The following TMEM198 variants were observed in gnomAD, a reference collection of about 807,000 sequenced individuals.
TMEM198 encodes the protein transmembrane protein 198.
Under a neutral mutation model 31.5 loss-of-function variants are expected in TMEM198, and 21 were observed. The observed-to-expected ratio is 0.67, with a 90% CI of 0.47 to 0.96. The LOEUF (loss-of-function observed/expected upper bound fraction) is 0.96. Among genes scored for constraint, TMEM198 ranks in the 40% least tolerant of loss-of-function variants. The pLI is 0.00. For synonymous variants in TMEM198, 211 were observed against 223.3 expected, an observed-to-expected ratio of 0.95 and a Z score of 0.49; for missense variants, 447 against 499.4, an observed-to-expected ratio of 0.89 and a Z score of 1.00.
At position 219,544,727 on chromosome 2, in the gene TMEM198, T is replaced by G. The variant is rs754848741; in HGVS notation, c.-1T>G. 6.2e-7 allele frequency: 1 copy of G among 1,613,442 alleles called. No individual in the cohort carries two copies. Among genetic ancestry groups the G allele is most frequent in the Non-Finnish European group, 8.5e-7 (1 of 1,179,862 alleles). On this transcript the variant is annotated 5_prime_UTR_variant, in exon 2 of 5. Transcript: ENST00000373883. ...GGTGACTCCCTTCTATTCCCAGCACTATGCCGGGGACTGTGGCAACACTGC... is the reference window on the plus strand; with the variant it reads ...GGTGACTCCCTTCTATTCCCAGCACGATGCCGGGGACTGTGGCAACACTGC...
chr2:219,544,612 T>C, intron 1 of TMEM198, 77 bp from the exon 2 acceptor site: 1 of 1,225,246 alleles, frequency 8.2e-7, no homozygotes, highest in Non-Finnish European at 1.2e-6. Flanking sequence ...CCTTGCTGAG[T>C]TCTCCCAATC....
chr2:219,548,402 T>C (rs547061919), intron 3 of TMEM198, among the ~76,000 whole-genome samples: 13 of 152,104 alleles, frequency 8.5e-5, no homozygotes, highest in Non-Finnish European at 1.6e-4. Flanking sequence ...TCCAGTTGTG[T>C]AGAGTGATAT....
At chr2:219,549,084 AGAGG>A in intron 3 of TMEM198, 64 bp from the exon 4 acceptor site, 1 of 1,575,228 alleles carries the variant, frequency 6.3e-7, no homozygotes, top group Non-Finnish European at 8.7e-7. Flanking sequence ...GTGGGATGAG[AGAGG>A]GAGGGCTCAA....
chr2:219,547,893 C>T lies in TMEM198; in HGVS notation c.554C>T (p.Ala185Val), dbSNP rs1347077703. The T allele has an allele frequency of 6.3e-7, 1 of 1,596,358 alleles. No homozygotes were observed. Among genetic ancestry groups the T allele is most frequent in the Non-Finnish European group, 8.5e-7 (1 of 1,178,462 alleles). Reference protein sequence around the residue: ...ATAVTGAALIATAADYFAELL... With the variant: ...ATAVTGAALIVTAADYFAELL... ...GCCGTGACTGGTGCTGCGCTGATCG[C>T]CACTGCCGCTGACTACTTCGCCGAG... The change falls in exon 3 of 5, where the codon GCC becomes GTC. Residue 185 changes from alanine to valine, a missense_variant. By Grantham distance (64) the Ala-to-Val change is moderately conservative. Transcript: ENST00000373883.
chr2:219,547,583 C>G lies in TMEM198; in HGVS notation c.244C>G (p.Arg82Gly), dbSNP rs753064498. 2.2e-5 allele frequency: 33 copies of G among 1,470,642 alleles called. 1 individual carries two copies. The South Asian group carries it at 4.4e-4, about 20-fold the overall frequency. 91.1% of individuals were successfully genotyped at this position (1,470,642 alleles called of 1,614,324 possible). ...GGTGGTCATCTTCCTCCTCTGCTAC[C>G]GAGAGCGGGTGCTAGAGACACAGCT... ...GSVVIFLLCY[R>G]ERVLETQLSA... Residue 82 changes from arginine to glycine, a missense_variant, in exon 3 of 5, where the codon CGA becomes GGA. Transcript: ENST00000373883.
intron 2 of TMEM198, 45 bp downstream of exon 2, chr2:219,544,938 C>T: frequency 6.3e-7 from 1 of 1,597,334 alleles, no homozygotes; most frequent in Non-Finnish European, 8.6e-7. Flanking sequence ...CCAGTGTTTC[C>T]CCGAGTTCTT....
chr2:219,547,386 C>T, intron 2 of TMEM198, 120 bp from the exon 3 acceptor site: 1 of 803,168 alleles, frequency 1.2e-6, no homozygotes, highest in Non-Finnish European at 1.8e-6. Context: ...CCTCAATTCT[C>T]TGATCTTAGT....
chr2:219,548,032 C>T lies in TMEM198; in HGVS notation c.693C>T (p.Gly231=), dbSNP rs553724587. 9 of 1,586,806 alleles carry T rather than the reference C, an allele frequency of 5.7e-6. No individual in the cohort carries two copies. The highest frequency in any genetic ancestry group is 4.5e-5 in the East Asian group (2 of 44,366). ...TCTGGCCCCTGCTCAGCCTGATGGGCGTTCTGGTGCAGTGGAGGGTGACAG... is the reference window on the plus strand; with the variant it reads ...TCTGGCCCCTGCTCAGCCTGATGGGTGTTCTGGTGCAGTGGAGGGTGACAG... The part of the protein sequence containing the change: ...LALWPLLSLM[G]VLVQWRVTAE... The change falls in exon 3 of 5, where the codon GGC becomes GGT. Residue 231 remains glycine, a synonymous_variant. Coordinates refer to ENST00000373883, the MANE Select transcript of TMEM198 (RefSeq NM_001005209.3).
chr2:219,548,176 A>G, intron 3 of TMEM198, 95 bp downstream of exon 3: 3 of 1,184,216 alleles, frequency 2.5e-6, no homozygotes, highest in Non-Finnish European at 3.4e-6. Context: ...CAGCAGCAGA[A>G]GGCCTCGATG....
At chr2:219,546,778 C>CT (rs397987890) in intron 2 of TMEM198, among the ~76,000 whole-genome samples, 68,176 of 126,840 alleles carry the variant, frequency 0.54, 19,205 homozygotes, top group South Asian at 0.74. Flanking sequence ...TCTCAAGTTT[C>CT]TTTTTTTTTT....
chr2:219,545,021 CATTTAT>C, intron 2 of TMEM198, 128 bp downstream of exon 2: 1 of 1,203,608 alleles, frequency 8.3e-7, no homozygotes, highest in Admixed American at 2.6e-5. Flanking sequence ...TCATCCCACA[CATTTAT>C]AGATTGTCTA....
intron 1 of TMEM198, 45 bp from the exon 2 acceptor site, chr2:219,544,644 T>G: frequency 6.6e-7 from 1 of 1,521,656 alleles, no homozygotes; most frequent in Non-Finnish European, 9.0e-7. Flanking sequence ...CCCATCCTGG[T>G]GGGGACCCAG....
Position 219,549,209 on chromosome 2 carries a change from A to C in TMEM198, c.800A>C (p.Asp267Ala). 6.2e-7 allele frequency: 1 copy of C among 1,614,016 alleles called. No homozygotes were observed. The highest frequency in any genetic ancestry group is 1.7e-5 in the Admixed American group (1 of 60,030). ...CTGATGCGGATTCGGCAGCAGGAAG[A>C]TCGCAAGGAGAAAAGGCGGAAAAAG... ...VQLMRIRQQE[D>A]RKEKRRKKRP... is the part of the protein sequence containing the mutation. Residue 267 changes from aspartate to alanine, a missense_variant, in exon 4 of 5, where the codon GAT (aspartate) becomes GCT (alanine). Physicochemically the swap from Asp to Ala is moderately radical, Grantham distance 126. Coordinates refer to ENST00000373883, the MANE Select transcript of TMEM198 (RefSeq NM_001005209.3).
Position 219,549,875 on chromosome 2 carries a change from T to C in TMEM198, c.*21T>C. The C allele has an allele frequency of 6.2e-7, 1 of 1,602,500 alleles. No individual in the cohort carries two copies. The highest frequency in any genetic ancestry group is 8.5e-7 in the Non-Finnish European group (1 of 1,170,870). On this transcript the variant is annotated 3_prime_UTR_variant, in exon 5 of 5. Transcript: ENST00000373883. ...TATAGCCATATCTGTCTGTCTAGAC[T>C]CTGCAGTCACCAGCTCTGCCAGCTC...
intron 4 of TMEM198, 97 bp downstream of exon 4, chr2:219,549,451 G>C: frequency 4.9e-6 from 7 of 1,430,426 alleles, no homozygotes; most frequent in Non-Finnish European, 6.6e-6. Context: ...TTGCTATCTA[G>C]AAGGCCTGTT....
rs776238004 is a variant in TMEM198, at chr2:219,549,836, C to A, written c.1065C>A (p.Gly355=). ...GSRGPLTACS[G]PPVRV The stretch of plus-strand genomic sequence containing the variant: ...GGGGACCTCTGACAGCCTGCTCAGG[C>A]CCCCCAGTGCGGGTATAGCCATATC... The change falls in exon 5 of 5, where the codon GGC becomes GGA. Residue 355 remains glycine, a synonymous_variant. Coordinates refer to ENST00000373883, the MANE Select transcript of TMEM198 (RefSeq NM_001005209.3). The A allele has an allele frequency of 4.3e-6, 7 of 1,613,886 alleles. No homozygotes were observed. Among genetic ancestry groups the A allele is most frequent in the Non-Finnish European group, 2.5e-6 (3 of 1,179,956 alleles).
chr2:219,549,175 C>T lies in TMEM198; in HGVS notation c.766C>T (p.Arg256Cys), dbSNP rs1349360573. Residue 256 changes from arginine to cysteine, a missense_variant, in exon 4 of 5, where the codon CGC (arginine) becomes TGC (cysteine). Coordinates refer to ENST00000373883, the MANE Select transcript of TMEM198 (RefSeq NM_001005209.3). ...AGTGGTCATCAGCCGGCAGCGCCGACGCGTGCAACTGATGCGGATTCGGCA... is the reference window on the plus strand; with the variant it reads ...AGTGGTCATCAGCCGGCAGCGCCGATGCGTGCAACTGATGCGGATTCGGCA... ...TEVVISRQRRRVQLMRIRQQE... is the reference protein window; with the variant it reads ...TEVVISRQRRCVQLMRIRQQE... The T allele has an allele frequency of 2.5e-5, 40 of 1,613,824 alleles. No individual in the cohort carries two copies. The highest frequency in any genetic ancestry group is 2.6e-5 in the Non-Finnish European group (31 of 1,180,028).
intron 3 of TMEM198, 58 bp downstream of exon 3, chr2:219,548,139 G>C: frequency 1.4e-6 from 2 of 1,419,804 alleles, no homozygotes; most frequent in East Asian, 2.5e-5. Flanking sequence ...GGATGGGTTG[G>C]GGGCCAAGTG....
rs1695412494 is a variant in TMEM198, at chr2:219,547,460, C to G, written c.167-46C>G. On this transcript the variant is annotated intron_variant, in intron 2 of 4. Transcript: ENST00000373883. Reference sequence around the variant, plus strand: ...ACCCCTTGGACCTGCTCCCTCCAGCCTGGTGCCCTCATCTTGGCCCCTCAC... The same window carrying G: ...ACCCCTTGGACCTGCTCCCTCCAGCGTGGTGCCCTCATCTTGGCCCCTCAC... 3 of 1,387,882 alleles carry G rather than the reference C, an allele frequency of 2.2e-6. 1 individual carries two copies. Among genetic ancestry groups the G allele is most frequent in the African/African-American group, 3.0e-5 (2 of 67,492 alleles). The allele number at this position is 1,387,882 out of a possible 1,614,324, so 86.0% of individuals were successfully genotyped here.
Sources: allele counts gnomAD v4.1 joint callset (sites outside exome capture counted in the v4.1 genomes callset), GRCh38; gene constraint gnomAD v4.1.1; transcripts MANE v1.5; gene names NCBI Gene and HGNC (gene_info 2026-07-23, HGNC 2026-07-21).